Variants in FAM135B observed in about 807,000 individuals in gnomAD.
FAM135B encodes the protein protein FAM135B.
A neutral mutation model predicts 127.7 loss-of-function variants in FAM135B; 43 were observed. The ratio of observed to expected loss-of-function variants is 0.34; its 90% CI spans 0.26 to 0.43. The LOEUF (loss-of-function observed/expected upper bound fraction) is 0.43. FAM135B is among the 20% of genes least tolerant of loss of function. FAM135B has a pLI of 1.00. For missense variants in FAM135B, 1,558 were observed against 1,725.6 expected, an observed-to-expected ratio of 0.90 and a Z score of 1.72; for synonymous variants, 670 against 665.1, an observed-to-expected ratio of 1.01 and a Z score of -0.11.
At position 138,491,157 on chromosome 8, in the gene FAM135B, AAAG is replaced by A. The variant is rs1419289698; in HGVS notation, c.-20+5511_-20+5513del. Among the ~76,000 whole-genome samples, 1,087 of 144,744 alleles carry A rather than the reference AAAG, an allele frequency of 7.5e-3. 5 individuals carry two copies. Among genetic ancestry groups the A allele is most frequent in the Non-Finnish European group, 0.013 (869 of 67,440 alleles). 95.0% of individuals were successfully genotyped at this position (144,744 alleles called of 152,430 possible). On this transcript the variant is annotated intron_variant, in intron 1 of 19. Transcript: ENST00000395297. ...AACTCTCTCTCAAAAAAAAAAAAAAAAAGAAAGAAAGAAAGAAAGACAAGAAAA... is the reference window on the plus strand; with the variant it reads ...AACTCTCTCTCAAAAAAAAAAAAAAAAAAGAAAGAAAGAAAGACAAGAAAA...
chr8:138,439,779 A>T (rs900972052), intron 1 of FAM135B: 1 of 152,194 alleles, frequency 6.6e-6, no homozygotes. Flanking sequence ...TCGTGCTTAG[A>T]AAGTTTGACT....
At chr8:138,340,000 C>A (rs538818417) in intron 2 of FAM135B, among the ~76,000 whole-genome samples, 1 of 152,184 alleles carries the variant, frequency 6.6e-6, no homozygotes, top group South Asian at 2.1e-4. Flanking sequence ...GATCCCTGGA[C>A]GCCAGGCCTG....
intron 3 of FAM135B, among the ~76,000 whole-genome samples, chr8:138,299,592 C>CAT (rs1825728223): frequency 6.6e-6 from 1 of 150,960 alleles, no homozygotes; most frequent in Non-Finnish European, 1.5e-5. Context: ...CACATACACA[C>CAT]ACACACACAC....
At chr8:138,312,060 C>T (rs1271067383) in intron 2 of FAM135B, among the ~76,000 whole-genome samples, 1 of 152,142 alleles carries the variant, frequency 6.6e-6, no homozygotes. Flanking sequence ...AATTCTTCTG[C>T]CTCAGCCTCC....
chr8:138,426,002 T>TATATATAC (rs1834838509), intron 1 of FAM135B, among the ~76,000 whole-genome samples: 1 of 14,804 alleles, frequency 6.8e-5, no homozygotes, highest in Non-Finnish European at 1.3e-4. Flanking sequence ...TATATATATA[T>TATATATAC]ATATATATAT....
intron 12 of FAM135B, among the ~76,000 whole-genome samples, chr8:138,161,196 T>C (rs937536722): frequency 4.0e-5 from 6 of 151,428 alleles, no homozygotes; most frequent in Non-Finnish European, 7.4e-5. Flanking sequence ...AAACTCTCCT[T>C]TGTGGCACTC....
At chr8:138,481,219 A>C (rs922617801) in intron 1 of FAM135B, among the ~76,000 whole-genome samples, 2 of 152,254 alleles carry the variant, frequency 1.3e-5, no homozygotes, top group Non-Finnish European at 2.9e-5. Flanking sequence ...CAATTATGTC[A>C]CATGGTATCA....
chr8:138,295,102 C>CTTTTTTTTTTTTTTTTTTTTTTTTTTTTT lies in FAM135B; in HGVS notation c.157+15738_157+15739insAAAAAAAAAAAAAAAAAAAAAAAAAAAAA, dbSNP rs527258472. On this transcript the variant is annotated intron_variant, in intron 3 of 19. Coordinates refer to ENST00000395297, the MANE Select transcript of FAM135B (RefSeq NM_015912.4). ...AATGTCAATACCACCCTTGCTGGTG[C>CTTTTTTTTTTTTTTTTTTTTTTTTTTTTT]TTTTTTTTTTTTTTTTTTTTTTTTT... Among the ~76,000 whole-genome samples, 2 of 82,196 alleles carry CTTTTTTTTTTTTTTTTTTTTTTTTTTTTT rather than the reference C, an allele frequency of 2.4e-5. 1 individual carries two copies. The highest frequency in any genetic ancestry group is 9.9e-5 in the African/African-American group (2 of 20,138). 53.9% of individuals were successfully genotyped at this position (82,196 alleles called of 152,430 possible).
chr8:138,218,784 GAGAGAGAGAGAGAGAGAGAGGGAGAGAA>G (rs1419044154), intron 7 of FAM135B, among the ~76,000 whole-genome samples: 57 of 40,788 alleles, frequency 1.4e-3, no homozygotes, highest in Admixed American at 5.2e-3. Context: ...GAGAGAGAGA[GAGAGAGAGAGAGAGAGAGAGGGAGAGAA>G]AGAGAGAGAG....
intron 3 of FAM135B, among the ~76,000 whole-genome samples, chr8:138,304,536 C>T (rs1826097787): frequency 6.6e-6 from 1 of 152,132 alleles, no homozygotes; most frequent in African/African-American, 2.4e-5. Context: ...TTGAAGGCTG[C>T]ATGCATTCTT....
chr8:138,451,856 G>A (rs1206768327), intron 1 of FAM135B, among the ~76,000 whole-genome samples: 1 of 152,120 alleles, frequency 6.6e-6, no homozygotes, highest in East Asian at 1.9e-4. Context: ...AAATGAATGG[G>A]TAAATACAGG....
chr8:138,405,282 C>T (rs868724241), intron 1 of FAM135B, among the ~76,000 whole-genome samples: 6 of 150,716 alleles, frequency 4.0e-5, no homozygotes, highest in African/African-American at 4.9e-5. Context: ...AGGTTAGTTA[C>T]ATATGTATAC....
intron 1 of FAM135B, chr8:138,436,808 T>C (rs1835480585): frequency 6.6e-6 from 1 of 152,164 alleles, no homozygotes; most frequent in African/African-American, 2.4e-5. Flanking sequence ...GATTTCTGAG[T>C]CTTAATTTCT....
chr8:138,310,801 C>T, intron 3 of FAM135B, 40 bp downstream of exon 3: 1 of 1,588,962 alleles, frequency 6.3e-7, no homozygotes, highest in Non-Finnish European at 8.6e-7. Context: ...GGGAGGTTCG[C>T]CATTGGGGGC....
At chr8:138,170,276 G>A (rs1440586277) in intron 11 of FAM135B, among the ~76,000 whole-genome samples, 1 of 144,960 alleles carries the variant, frequency 6.9e-6, no homozygotes, top group Non-Finnish European at 1.5e-5. Context: ...AGGCTGGAGT[G>A]CAATGGCACA....
At chr8:138,291,955 G>A (rs1178476607) in intron 3 of FAM135B, among the ~76,000 whole-genome samples, 11 of 152,090 alleles carry the variant, frequency 7.2e-5, no homozygotes, top group East Asian at 5.8e-4. Flanking sequence ...AAGGGCCTCC[G>A]TATTTTAAAG....
chr8:138,321,912 G>A (rs576356148), intron 2 of FAM135B, among the ~76,000 whole-genome samples: 1 of 152,154 alleles, frequency 6.6e-6, no homozygotes, highest in Non-Finnish European at 1.5e-5. Context: ...TTGCACCTCA[G>A]GAATTACAAG....
chr8:138,454,725 C>A (rs561734104), intron 1 of FAM135B, among the ~76,000 whole-genome samples: 1 of 152,162 alleles, frequency 6.6e-6, no homozygotes, highest in African/African-American at 2.4e-5. Flanking sequence ...TGTGGCTTCA[C>A]ACACAGAGAG....
At chr8:138,402,053 A>T (rs1833182697) in intron 1 of FAM135B, among the ~76,000 whole-genome samples, 3 of 152,102 alleles carry the variant, frequency 2.0e-5, no homozygotes, top group African/African-American at 7.2e-5. Context: ...GTGGAGACAG[A>T]CAGAGACAGA....
Sources: allele counts gnomAD v4.1 joint callset (sites outside exome capture counted in the v4.1 genomes callset), GRCh38; gene constraint gnomAD v4.1.1; transcripts MANE v1.5; gene names NCBI Gene and HGNC (gene_info 2026-07-23, HGNC 2026-07-21).